Variants in RERE observed in about 807,000 individuals in gnomAD.
RERE encodes the protein arginine-glutamic acid dipeptide repeats.
Under a neutral mutation model 146.1 loss-of-function variants are expected in RERE, and 40 were observed. The ratio of observed to expected loss-of-function variants is 0.27; its 90% confidence interval spans 0.21 to 0.36. RERE has a LOEUF of 0.36. Among genes scored for constraint, RERE ranks in the 10% least tolerant of loss-of-function variants. The probability of loss-of-function intolerance (pLI) is 1.00; values close to 1 mark genes in which losing one functional copy is unlikely to be tolerated. For synonymous variants in RERE, 1,003 were observed against 866.0 expected, an observed-to-expected ratio of 1.16 and a Z score of -2.78; for missense variants, 1,933 against 2,138.7, an observed-to-expected ratio of 0.90 and a Z score of 1.90.
chr1:8,799,864 T>C (rs1022502213), intron 1 of RERE, among the ~76,000 whole-genome samples: 1 of 151,802 alleles, frequency 6.6e-6, no homozygotes, highest in Non-Finnish European at 1.5e-5. Context: ...CAGGCTGGAG[T>C]GCAGTGGCGC....
intron 1 of RERE, among the ~76,000 whole-genome samples, chr1:8,712,785 T>A (rs1639693802): frequency 6.6e-6 from 1 of 152,080 alleles, no homozygotes; most frequent in Admixed American, 6.6e-5. Context: ...ATTTTTTTTT[T>A]TAATGAAAAA....
intron 1 of RERE, among the ~76,000 whole-genome samples, chr1:8,780,369 T>A (rs1641142564): frequency 6.6e-6 from 1 of 152,182 alleles, no homozygotes. Context: ...GGATGCAACC[T>A]GGAGCAGATC....
At chr1:8,807,757 C>T (rs574036336) in intron 1 of RERE, among the ~76,000 whole-genome samples, 2 of 152,256 alleles carry the variant, frequency 1.3e-5, no homozygotes, top group East Asian at 3.9e-4. Flanking sequence ...CACTCTTACA[C>T]ACTCTAAAAG....
intron 16 of RERE, 74 bp from the exon 17 acceptor site, chr1:8,361,950 G>A (rs1000956359): frequency 2.9e-5 from 32 of 1,095,014 alleles, no homozygotes; most frequent in South Asian, 2.6e-4. Context: ...AGGAAATGAC[G>A]GTTTGCAGAC....
intron 1 of RERE, chr1:8,786,409 G>C (rs1162177698): frequency 1.1e-6 from 1 of 875,012 alleles, no homozygotes; most frequent in African/African-American, 1.6e-5. Context: ...TTTACCAAGA[G>C]ATAGAGCAAT....
At chr1:8,737,986 G>A (rs1044211283) in intron 1 of RERE, among the ~76,000 whole-genome samples, 19 of 152,160 alleles carry the variant, frequency 1.2e-4, no homozygotes, top group Admixed American at 1.0e-3. Flanking sequence ...AGCACACTGT[G>A]GAATATAAGG....
intron 1 of RERE, among the ~76,000 whole-genome samples, chr1:8,810,531 G>A (rs561477395): frequency 3.3e-5 from 5 of 152,080 alleles, no homozygotes; most frequent in Admixed American, 6.5e-5. Flanking sequence ...ATTTGAGCCC[G>A]AGGGGGTCAA....
In RERE at chr1:8,361,743, G is replaced by A. The variant is rs748036426; in HGVS notation, c.2016+20C>T. ...AAGAAGCATTAGCTTTACTCAGCAAGGCTCAGCAGCAAACCTCACCTGCGT... is the reference window on the plus strand; with the variant it reads ...AAGAAGCATTAGCTTTACTCAGCAAAGCTCAGCAGCAAACCTCACCTGCGT... On this transcript the variant is annotated intron_variant, in intron 17 of 22. Coordinates refer to ENST00000400908, the MANE Select transcript of RERE (RefSeq NM_001042681.2). 1 of 1,587,420 alleles carries A rather than the reference G, an allele frequency of 6.3e-7. No homozygotes were observed. The highest frequency in any genetic ancestry group is 1.3e-5 in the African/African-American group (1 of 74,356).
chr1:8,791,888 C>T (rs910229574), intron 1 of RERE, among the ~76,000 whole-genome samples: 3 of 151,988 alleles, frequency 2.0e-5, no homozygotes, highest in Admixed American at 6.6e-5. Flanking sequence ...CAAAGGACAC[C>T]ATCATCTCCC....
chr1:8,573,316 C>T (rs925500543), intron 4 of RERE, among the ~76,000 whole-genome samples: 5 of 152,114 alleles, frequency 3.3e-5, no homozygotes, highest in African/African-American at 1.2e-4. Context: ...CCATCCAGTA[C>T]TTCATGCTTT....
intron 4 of RERE, among the ~76,000 whole-genome samples, chr1:8,559,681 T>A (rs1410972462): frequency 6.6e-6 from 1 of 152,170 alleles, no homozygotes; most frequent in East Asian, 1.9e-4. Context: ...GAGATTTCAA[T>A]GAATTTTTTC....
intron 1 of RERE, among the ~76,000 whole-genome samples, chr1:8,713,027 A>G (rs1433394819): frequency 1.3e-5 from 2 of 152,258 alleles, no homozygotes; most frequent in Admixed American, 6.5e-5. Flanking sequence ...AGGTACTCAT[A>G]TAACTAGAAA....
At chr1:8,387,097 C>T (rs2124418773) in intron 12 of RERE, among the ~76,000 whole-genome samples, 1 of 152,250 alleles carries the variant, frequency 6.6e-6, no homozygotes, top group South Asian at 2.1e-4. Flanking sequence ...AACAATTATC[C>T]TAAAGCTAGA....
At chr1:8,404,777 G>C (rs902008345) in intron 12 of RERE, among the ~76,000 whole-genome samples, 3 of 152,220 alleles carry the variant, frequency 2.0e-5, no homozygotes, top group African/African-American at 7.2e-5. Flanking sequence ...GGTGGCAGCA[G>C]ACTGGTGCCA....
intron 1 of RERE, among the ~76,000 whole-genome samples, chr1:8,809,999 G>T (rs1248144560): frequency 4.6e-5 from 7 of 151,768 alleles, no homozygotes; most frequent in East Asian, 1.9e-4. Context: ...TGTTTTTGTT[G>T]TTGTTGTTGT....
chr1:8,773,630 C>A (rs1640998875), intron 1 of RERE, among the ~76,000 whole-genome samples: 1 of 152,184 alleles, frequency 6.6e-6, no homozygotes, highest in Non-Finnish European at 1.5e-5. Context: ...TCGAGACCAG[C>A]CTGACCAACA....
chr1:8,480,301 G>A (rs1045001248), intron 10 of RERE, among the ~76,000 whole-genome samples: 12 of 151,498 alleles, frequency 7.9e-5, no homozygotes, highest in Non-Finnish European at 1.6e-4. Context: ...CACCACACCC[G>A]ACTAATTTTT....
Position 8,804,996 on chromosome 1 carries a change from G to GGT in RERE, c.-145+12163_-145+12164insAC, listed in dbSNP as rs1557553291. 1.1e-3 allele frequency among the ~76,000 whole-genome samples: 125 copies of GGT among 116,332 alleles called. 2 individuals carry two copies. The highest frequency in any genetic ancestry group is 3.8e-3 in the African/African-American group (121 of 31,446). 76.3% of individuals were successfully genotyped at this position (116,332 alleles called of 152,430 possible). The stretch of plus-strand genomic sequence containing the variant: ...TTTTTCAAATGATTTTTTTTGTTTT[G>GGT]TTTTGTTTTTGGTTTTTTTTTTTTT... On this transcript the variant is annotated intron_variant, in intron 1 of 22. Transcript: ENST00000400908.
chr1:8,744,406 AC>A (rs1286480261), intron 1 of RERE, among the ~76,000 whole-genome samples: 1 of 152,164 alleles, frequency 6.6e-6, no homozygotes, highest in East Asian at 1.9e-4. Context: ...ATTCCGTTTC[AC>A]CTTTGTTTTT....
Sources: allele counts gnomAD v4.1 joint callset (sites outside exome capture counted in the v4.1 genomes callset), GRCh38; gene constraint gnomAD v4.1.1; transcripts MANE v1.5; gene names NCBI Gene and HGNC (gene_info 2026-07-23, HGNC 2026-07-21).